GPR39: variants seen among roughly 807,000 people sequenced by gnomAD.
GPR39 encodes zinc sensing receptor.
In GPR39, 23 loss-of-function variants were observed where a neutral mutation model predicts 18.4. The ratio of observed to expected loss-of-function variants is 1.25; its 90% CI spans 0.90 to 1.77. The LOEUF (loss-of-function observed/expected upper bound fraction) is 1.77, where lower values mean the gene tolerates loss of function less well. Among genes scored for constraint, GPR39 ranks in the 40% most tolerant of loss-of-function variants. The probability of loss-of-function intolerance (pLI) is 0.00; values close to 1 mark genes in which losing one functional copy is unlikely to be tolerated. For missense variants in GPR39, 647 were observed against 602.4 expected, an observed-to-expected ratio of 1.07 and a Z score of -0.78; for synonymous variants, 280 against 257.9, an observed-to-expected ratio of 1.09 and a Z score of -0.82.
chr2:132,463,200 G>A (rs189397167), intron 1 of GPR39, among the ~76,000 whole-genome samples: 321 of 152,262 alleles, frequency 2.1e-3, no homozygotes, highest in African/African-American at 7.1e-3. Flanking sequence ...AAACTGAAAG[G>A]TAGTTATGAC....
At chr2:132,526,732 G>A (rs1050256868) in intron 1 of GPR39, among the ~76,000 whole-genome samples, 2 of 152,232 alleles carry the variant, frequency 1.3e-5, no homozygotes, top group Admixed American at 1.3e-4. Context: ...CATTTTCTCA[G>A]GGCCCTGATA....
At position 132,417,770 on chromosome 2, in the gene GPR39, G is replaced by A. The variant is rs780391738; in HGVS notation, c.728G>A (p.Trp243Ter). ...VVLLSVAFMC[W>*]NMMQVLMKSQ... ...CTGCTCTCCGTAGCCTTCATGTGCTGGAACATGATGCAGGTGCTCATGAAA... is the reference window on the plus strand; with the variant it reads ...CTGCTCTCCGTAGCCTTCATGTGCTAGAACATGATGCAGGTGCTCATGAAA... The change falls in exon 1 of 2, where the codon TGG (tryptophan) becomes TAG (stop). Residue 243 changes from tryptophan to a stop codon, truncating the protein, a stop_gained. Transcript: ENST00000329321. LOFTEE classifies it high-confidence loss of function. 2.0e-5 allele frequency: 32 copies of A among 1,614,060 alleles called. No homozygotes were observed. The highest frequency in any genetic ancestry group is 1.3e-4 in the Admixed American group (8 of 60,006).
chr2:132,471,329 A>G (rs1398198536), intron 1 of GPR39, among the ~76,000 whole-genome samples: 2 of 151,852 alleles, frequency 1.3e-5, no homozygotes, highest in Non-Finnish European at 2.9e-5. Flanking sequence ...GCTCTAGTCC[A>G]TGAGGATATA....
At chr2:132,490,302 G>C (rs765375462) in intron 1 of GPR39, among the ~76,000 whole-genome samples, 1 of 151,878 alleles carries the variant, frequency 6.6e-6, no homozygotes, top group Non-Finnish European at 1.5e-5. Flanking sequence ...TATTATGAGG[G>C]AAAAACCCAC....
At chr2:132,518,916 A>G (rs564232942) in intron 1 of GPR39, among the ~76,000 whole-genome samples, 1 of 152,312 alleles carries the variant, frequency 6.6e-6, no homozygotes, top group East Asian at 1.9e-4. Flanking sequence ...TTTCAAATGA[A>G]CAATAGCCAC....
chr2:132,498,695 T>C (rs765207422), intron 1 of GPR39, among the ~76,000 whole-genome samples: 20 of 152,222 alleles, frequency 1.3e-4, no homozygotes, highest in Non-Finnish European at 2.8e-4. Context: ...CCACGAGCAA[T>C]GTGAAAGTAT....
At chr2:132,567,089 T>G (rs1004679045) in intron 1 of GPR39, among the ~76,000 whole-genome samples, 1 of 152,136 alleles carries the variant, frequency 6.6e-6, no homozygotes, top group African/African-American at 2.4e-5. Context: ...TCCCAGCACT[T>G]TGGGAGGCCG....
chr2:132,461,094 T>C (rs1680822317), intron 1 of GPR39, among the ~76,000 whole-genome samples: 1 of 152,242 alleles, frequency 6.6e-6, no homozygotes. Flanking sequence ...CAAAGCCATC[T>C]GGCTCCCTTG....
intron 1 of GPR39, among the ~76,000 whole-genome samples, chr2:132,462,751 A>G (rs535408518): frequency 6.6e-6 from 1 of 151,698 alleles, no homozygotes; most frequent in Non-Finnish European, 1.5e-5. Context: ...AAATCACTTC[A>G]CCTCTCTCTG....
At chr2:132,592,451 G>A (rs1203006826) in intron 1 of GPR39, among the ~76,000 whole-genome samples, 2 of 152,166 alleles carry the variant, frequency 1.3e-5, no homozygotes, top group Non-Finnish European at 2.9e-5. Flanking sequence ...GAATGGGGTA[G>A]TAGGAAATGA....
At chr2:132,565,514 A>G (rs905555473) in intron 1 of GPR39, among the ~76,000 whole-genome samples, 2 of 149,014 alleles carry the variant, frequency 1.3e-5, no homozygotes, top group Non-Finnish European at 3.0e-5. Context: ...CTCGTCATCT[A>G]GCCTTAGGTA....
intron 1 of GPR39, among the ~76,000 whole-genome samples, chr2:132,580,898 G>T (rs968797264): frequency 6.8e-5 from 10 of 147,126 alleles, no homozygotes; most frequent in Non-Finnish European, 1.5e-4. Context: ...GGAGGCAGAT[G>T]TTGCAGTGAG....
intron 1 of GPR39, among the ~76,000 whole-genome samples, chr2:132,493,290 TATATATACACC>T (rs1470465245): frequency 2.9e-4 from 43 of 146,254 alleles, no homozygotes; most frequent in Non-Finnish European, 5.2e-4. Flanking sequence ...ATATATACCA[TATATATACACC>T]ATATATATAC....
intron 1 of GPR39, among the ~76,000 whole-genome samples, chr2:132,584,738 A>C (rs1680694188): frequency 6.6e-6 from 1 of 152,236 alleles, no homozygotes; most frequent in Admixed American, 6.5e-5. Context: ...GCAGGATCGG[A>C]TGCAAATGAG....
Position 132,455,986 on chromosome 2 carries a change from C to T in GPR39, c.856+38088C>T, listed in dbSNP as rs113846792. 1.9e-3 allele frequency among the ~76,000 whole-genome samples: 293 copies of T among 152,268 alleles called. 2 individuals carry two copies. The highest frequency in any genetic ancestry group is 6.4e-3 in the African/African-American group (265 of 41,558). On this transcript the variant is annotated intron_variant, in intron 1 of 1. Transcript: ENST00000329321. ...TTGGGGTGGAGAATTCTGTAGATGT[C>T]TATGAGGTCTGCTTGTTGCAGATCT... is the stretch of plus-strand genomic sequence containing the variant.
chr2:132,428,237 G>A (rs1247056085), intron 1 of GPR39, among the ~76,000 whole-genome samples: 1 of 152,090 alleles, frequency 6.6e-6, no homozygotes, highest in Non-Finnish European at 1.5e-5. Flanking sequence ...TATTCCAGCA[G>A]ATCTTCACAT....
chr2:132,643,700 T>G (rs2104881983), intron 1 of GPR39, among the ~76,000 whole-genome samples: 1 of 152,300 alleles, frequency 6.6e-6, no homozygotes, highest in African/African-American at 2.4e-5. Flanking sequence ...TTTCTTTTTT[T>G]GTAGAGATGG....
chr2:132,491,347 T>G (rs1487205649), intron 1 of GPR39, among the ~76,000 whole-genome samples: 1 of 152,148 alleles, frequency 6.6e-6, no homozygotes, highest in Non-Finnish European at 1.5e-5. Context: ...TTACACTGCC[T>G]TGTGACCTCT....
Position 132,567,611 on chromosome 2 carries a change from C to T in GPR39, c.857-77490C>T, listed in dbSNP as rs530244653. On this transcript the variant is annotated intron_variant, in intron 1 of 1. Transcript: ENST00000329321. ...AGAAATTTCTTTTCTTTATAAATTA[C>T]CCGGTGTTAGGTATTCAGCTACAGA... Among the ~76,000 whole-genome samples the T allele has an allele frequency of 3.3e-5, 5 of 152,254 alleles. No homozygotes were observed. In the South Asian group the frequency reaches 8.3e-4, roughly 25 times the overall value.
Sources: allele counts gnomAD v4.1 joint callset (sites outside exome capture counted in the v4.1 genomes callset), GRCh38; gene constraint gnomAD v4.1.1; transcripts MANE v1.5; gene names NCBI Gene and HGNC (gene_info 2026-07-23, HGNC 2026-07-21).